The following NPAS2 variants were observed in gnomAD, a reference collection of about 807,000 sequenced individuals.
The protein encoded by NPAS2 is neuronal PAS domain-containing protein 2.
In NPAS2, 23 loss-of-function variants were observed where a neutral mutation model predicts 107.5. The observed-to-expected ratio is 0.21, with a 90% CI of 0.15 to 0.30. The LOEUF (loss-of-function observed/expected upper bound fraction) is 0.30. Ranked by LOEUF, NPAS2 falls within the 10% of genes least tolerant of loss-of-function variation. The pLI, the probability that NPAS2 is intolerant of heterozygous loss-of-function variation, is 1.00. For missense variants in NPAS2, 756 were observed against 1,043.3 expected, an observed-to-expected ratio of 0.72 and a Z score of 3.79; for synonymous variants, 403 against 417.5, an observed-to-expected ratio of 0.97 and a Z score of 0.42.
At chr2:100,964,472 T>G (rs1204372656) in intron 8 of NPAS2, among the ~76,000 whole-genome samples, 2 of 152,252 alleles carry the variant, frequency 1.3e-5, no homozygotes, top group African/African-American at 4.8e-5. Flanking sequence ...AGGCCAGGCC[T>G]GGGTGAGAAC....
chr2:100,833,056 A>G (rs1414911141), intron 1 of NPAS2, among the ~76,000 whole-genome samples: 4 of 152,206 alleles, frequency 2.6e-5, no homozygotes, highest in South Asian at 2.1e-4. Flanking sequence ...TGAGACACCT[A>G]TAAAAACATT....
At chr2:100,877,827 C>T (rs914422377) in intron 1 of NPAS2, 27 of 398,172 alleles carry the variant, frequency 6.8e-5, no homozygotes, top group Admixed American at 3.9e-4. Flanking sequence ...TGTCTTCAGC[C>T]GGTGCATCCT....
chr2:100,956,764 A>G (rs1253055780), intron 7 of NPAS2, among the ~76,000 whole-genome samples: 1 of 152,168 alleles, frequency 6.6e-6, no homozygotes, highest in Non-Finnish European at 1.5e-5. Flanking sequence ...TGAGCCTTGA[A>G]GCACACAGAC....
At chr2:100,886,663 G>A (rs1680718152) in intron 1 of NPAS2, among the ~76,000 whole-genome samples, 1 of 152,194 alleles carries the variant, frequency 6.6e-6, no homozygotes, top group East Asian at 1.9e-4. Context: ...CAACAGTCAC[G>A]ATTAGAAGCC....
intron 3 of NPAS2, among the ~76,000 whole-genome samples, chr2:100,932,542 T>G (rs1301126360): frequency 6.6e-6 from 1 of 151,408 alleles, no homozygotes; most frequent in Non-Finnish European, 1.5e-5. Flanking sequence ...AAGCCACTTA[T>G]GAAGGTGTCA....
At chr2:100,873,846 C>T (rs1679781203) in intron 1 of NPAS2, among the ~76,000 whole-genome samples, 1 of 152,172 alleles carries the variant, frequency 6.6e-6, no homozygotes, top group Non-Finnish European at 1.5e-5. Context: ...CTGTTCCTCC[C>T]CATCATAACT....
At chr2:100,902,447 A>G (rs903604038) in intron 1 of NPAS2, among the ~76,000 whole-genome samples, 20 of 152,246 alleles carry the variant, frequency 1.3e-4, no homozygotes, top group Non-Finnish European at 2.8e-4. Flanking sequence ...TGAGGACATT[A>G]CGCTGTGTGA....
chr2:100,922,092 C>T (rs1447717614), intron 2 of NPAS2, among the ~76,000 whole-genome samples: 1 of 152,162 alleles, frequency 6.6e-6, no homozygotes, highest in Non-Finnish European at 1.5e-5. Flanking sequence ...TGAAACTACA[C>T]TACCAGCAGA....
rs571650148 is a variant in NPAS2 at position 100,891,470 on chromosome 2, C to G, written c.-22-13263C>G. On this transcript the variant is annotated intron_variant, in intron 1 of 20. Transcript: ENST00000335681. ...TCGTTCTAAAGTCACCATTTCTGAC[C>G]GCTGTGCTGTGGAAGGGGAGGCAAT... Among the ~76,000 whole-genome samples, 31 of 152,256 alleles carry G rather than the reference C, an allele frequency of 2.0e-4. No individual in the cohort carries two copies. The South Asian group carries it at 6.0e-3, about 30-fold the overall frequency.
intron 1 of NPAS2, among the ~76,000 whole-genome samples, chr2:100,897,729 CA>C (rs1325429612): frequency 1.3e-5 from 2 of 152,170 alleles, no homozygotes; most frequent in Non-Finnish European, 2.9e-5. Context: ...CAGTGATAAC[CA>C]AAGAACAGGC....
At chr2:100,903,009 T>C (rs1005628739) in intron 1 of NPAS2, among the ~76,000 whole-genome samples, 1 of 152,214 alleles carries the variant, frequency 6.6e-6, no homozygotes, top group African/African-American at 2.4e-5. Flanking sequence ...GAAGATGTGG[T>C]TGATAAAGAA....
At chr2:100,972,564 A>G (rs552676325) in intron 12 of NPAS2, 5 of 152,382 alleles carry the variant, frequency 3.3e-5, no homozygotes, top group African/African-American at 1.2e-4. Flanking sequence ...AAGATCAGAG[A>G]GCAGTGGGTG....
chr2:100,823,780 A>C (rs1250051367), intron 1 of NPAS2: 2 of 152,300 alleles, frequency 1.3e-5, no homozygotes, highest in Non-Finnish European at 2.9e-5. Flanking sequence ...TTGTAAACTG[A>C]AAATGAGGTT....
At chr2:100,967,913 C>G (rs1417834260) in intron 10 of NPAS2, among the ~76,000 whole-genome samples, 1 of 152,230 alleles carries the variant, frequency 6.6e-6, no homozygotes, top group Non-Finnish European at 1.5e-5. Context: ...ATTCTGGATG[C>G]TCTCTCCTGG....
intron 5 of NPAS2, 108 bp from the exon 6 acceptor site, chr2:100,948,127 C>G (rs941607745): frequency 7.9e-7 from 1 of 1,260,826 alleles, no homozygotes; most frequent in Admixed American, 2.2e-5. Context: ...ATTGAACTTT[C>G]CATTTCAGAA....
chr2:100,954,253 A>G (rs904528954), intron 7 of NPAS2, among the ~76,000 whole-genome samples: 1 of 152,188 alleles, frequency 6.6e-6, no homozygotes, highest in African/African-American at 2.4e-5. Context: ...GTTGCTTTGC[A>G]TACGAAAGGT....
chr2:100,879,101 A>C (rs866027993), intron 1 of NPAS2, among the ~76,000 whole-genome samples: 24 of 151,240 alleles, frequency 1.6e-4, no homozygotes, highest in Admixed American at 9.2e-4. Context: ...CGACAGAGCG[A>C]GACTCTGTCT....
intron 1 of NPAS2, among the ~76,000 whole-genome samples, chr2:100,836,410 T>G (rs1677063275): frequency 6.6e-6 from 1 of 152,160 alleles, no homozygotes; most frequent in African/African-American, 2.4e-5. Flanking sequence ...TCTGTCTGAA[T>G]TATTCTGGGC....
Position 100,982,215 on chromosome 2 carries a change from C to T in NPAS2, c.1483-16C>T, listed in dbSNP as rs2278727. ...AACTCTTTCATCTGATTATGTTTTT[C>T]GGCTCCACCTTGAAGTTTTCGGCAC... On this transcript the variant is annotated splice_polypyrimidine_tract_variant and intron_variant, in intron 15 of 20. Coordinates refer to ENST00000335681, the MANE Select transcript of NPAS2 (RefSeq NM_002518.4). 0.26 allele frequency: 412,314 copies of T among 1,612,440 alleles called. 53,284 individuals are homozygous for T. Among genetic ancestry groups the T allele is most frequent in the East Asian group, 0.31 (14,101 of 44,842 alleles).
Sources: allele counts gnomAD v4.1 joint callset (sites outside exome capture counted in the v4.1 genomes callset), GRCh38; gene constraint gnomAD v4.1.1; transcripts MANE v1.5; gene names NCBI Gene and HGNC (gene_info 2026-07-23, HGNC 2026-07-21).